IPO7: variants seen among roughly 807,000 people sequenced by gnomAD.
The protein encoded by IPO7 is importin-7.
Under a neutral mutation model 136.4 loss-of-function variants are expected in IPO7, and 13 were observed. That is an observed-to-expected ratio of 0.10 (90% CI 0.06 to 0.15). The LOEUF (loss-of-function observed/expected upper bound fraction) is 0.15, where lower values mean the gene tolerates loss of function less well. IPO7 is among the 10% of genes least tolerant of loss of function. The pLI, the probability that IPO7 is intolerant of heterozygous loss-of-function variation, is 1.00. For synonymous variants in IPO7, 403 were observed against 404.4 expected (o/e 1.00, Z 0.04); for missense variants, 857 against 1,240.6 (o/e 0.69, Z 4.65).
chr11:9,397,328 T>TAC (rs1417852276), intron 1 of IPO7, among the ~76,000 whole-genome samples: 14 of 934 alleles, frequency 0.015, 1 homozygote, highest in African/African-American at 0.021. Flanking sequence ...TTACTAAAAA[T>TAC]AATTTAAAAA....
At chr11:9,395,406 GT>G (rs1854694337) in intron 1 of IPO7, among the ~76,000 whole-genome samples, 1 of 151,904 alleles carries the variant, frequency 6.6e-6, no homozygotes, top group African/African-American at 2.4e-5. Context: ...ACTGTGCCCG[GT>G]TAATTGTATG....
intron 20 of IPO7, among the ~76,000 whole-genome samples, chr11:9,436,842 TTATATATATATATATA>T (rs1370673296): frequency 1.6e-4 from 4 of 24,460 alleles, no homozygotes; most frequent in Non-Finnish European, 2.0e-4. Context: ...CCGCCTGATT[TTATATATATATATATA>T]TATATATATA....
chr11:9,418,889 G>A (rs555390769), intron 6 of IPO7, among the ~76,000 whole-genome samples: 1 of 152,172 alleles, frequency 6.6e-6, no homozygotes, highest in East Asian at 1.9e-4. Context: ...TTTTGTTCCT[G>A]GCTTCTTTCA....
Position 9,438,215 on chromosome 11 carries a change from A to C in IPO7, c.2625A>C (p.Ala875=), listed in dbSNP as rs751114965. The change falls in exon 22 of 25, where the codon GCA becomes GCC. Residue 875 remains alanine (A), a synonymous_variant. Coordinates refer to ENST00000379719, the MANE Select transcript of IPO7 (RefSeq NM_006391.3). The stretch of plus-strand genomic sequence containing the variant: ...TTTTATTTAACGGATTGAAAAGAGC[A>C]TATGCCTGCCATGCAGAACATGAGA... ...FILLFNGLKR[A]YACHAEHEND... 9 of 1,613,486 alleles carry C rather than the reference A, an allele frequency of 5.6e-6. No homozygotes were observed. The highest frequency in any genetic ancestry group is 2.2e-5 in the East Asian group (1 of 44,876).
intron 4 of IPO7, among the ~76,000 whole-genome samples, chr11:9,412,668 C>T (rs914979786): frequency 1.3e-5 from 2 of 151,940 alleles, no homozygotes; most frequent in Non-Finnish European, 2.9e-5. Flanking sequence ...TCTCTACAGA[C>T]AAAAAAGAAA....
rs761181802 is a variant in IPO7 at position 9,384,859 on chromosome 11, C to T, written c.84+12C>T. On this transcript the variant is annotated intron_variant, in intron 1 of 24. Transcript: ENST00000379719. ...GCCAGCTCAATGAAGTAAGGACGCC[C>T]GGCTAGCGGTGGCGGCGGGCAGGCG... 32 of 1,584,744 alleles carry T rather than the reference C, an allele frequency of 2.0e-5. No homozygotes were observed. Among genetic ancestry groups the T allele is most frequent in the Admixed American group, 7.0e-5 (4 of 56,984 alleles).
At chr11:9,416,231 C>G (rs1447979854) in intron 5 of IPO7, among the ~76,000 whole-genome samples, 7 of 152,168 alleles carry the variant, frequency 4.6e-5, no homozygotes, top group East Asian at 1.9e-4. Context: ...TTGCCTAACT[C>G]TATTCCTTGG....
At chr11:9,444,904 G>A (rs1590458081) in intron 24 of IPO7, among the ~76,000 whole-genome samples, 193 bp from the exon 25 acceptor site, 1 of 151,024 alleles carries the variant, frequency 6.6e-6, no homozygotes, top group South Asian at 2.1e-4. Context: ...GAAGTCTACA[G>A]CATACAGTAA....
rs767260253 is a variant in IPO7 at position 9,430,979 on chromosome 11, T to C, written c.1857T>C (p.Leu619=). The C allele has an allele frequency of 6.0e-5, 96 of 1,608,834 alleles. No homozygotes were observed. The highest frequency in any genetic ancestry group is 7.9e-5 in the Non-Finnish European group (93 of 1,175,434). ...MGILNTIDTL[L]SVVEDHKEIT... ...TTCTGAATACAATTGATACACTTCT[T>C]AGTGTAGTTGAAGATCATAAAGAGG... The change falls in exon 16 of 25, where the codon CTT becomes CTC. Residue 619 remains leucine (L), a synonymous_variant. Coordinates refer to ENST00000379719, the MANE Select transcript of IPO7 (RefSeq NM_006391.3).
intron 1 of IPO7, 129 bp downstream of exon 1, chr11:9,384,976 T>A: frequency 1.5e-6 from 1 of 680,610 alleles, no homozygotes; most frequent in Non-Finnish European, 2.4e-6. Flanking sequence ...GGGGCGGACA[T>A]CTGACGGCGA....
In IPO7 at chr11:9,384,958, A is replaced by G. The variant is rs1035854344; in HGVS notation, c.84+111A>G. On this transcript the variant is annotated intron_variant, in intron 1 of 24. Transcript: ENST00000379719. ...GGACGACGTCGTTGAGGGTCCCAGC[A>G]GGAGGGTGGGGCGGACATCTGACGG... is the stretch of plus-strand genomic sequence containing the variant. The G allele has an allele frequency of 6.2e-5, 49 of 785,258 alleles. No individual in the cohort carries two copies. In the East Asian group the frequency reaches 1.3e-3, roughly 20 times the overall value. 48.6% of individuals were successfully genotyped at this position (785,258 alleles called of 1,614,324 possible).
intron 20 of IPO7, among the ~76,000 whole-genome samples, chr11:9,437,525 A>G (rs1314922316): frequency 2.0e-5 from 3 of 152,198 alleles, no homozygotes; most frequent in Non-Finnish European, 4.4e-5. Flanking sequence ...AAGTGCTGGG[A>G]TTACAGGCGT....
rs1855051738 is a variant in IPO7, at chr11:9,417,062, A to G, written c.640A>G (p.Thr214Ala). ...FKIFYALVQY[T>A]LPLELINQQN... is the part of the protein sequence containing the mutation. Reference sequence around the variant, plus strand: ...TTAATTCTTGACTTTTATTTAGTATACACTACCACTGGAACTGATAAACCA... The same window carrying G: ...TTAATTCTTGACTTTTATTTAGTATGCACTACCACTGGAACTGATAAACCA... Residue 214 changes from threonine (T) to alanine (A), a missense_variant, in exon 6 of 25, where the codon ACA becomes GCA. Thr to Ala is a moderately conservative substitution (Grantham distance 58). Transcript: ENST00000379719. 6.9e-7 allele frequency: 1 copy of G among 1,450,802 alleles called. No individual in the cohort carries two copies. The highest frequency in any genetic ancestry group is 9.6e-7 in the Non-Finnish European group (1 of 1,040,244). The allele number at this position is 1,450,802 out of a possible 1,614,324, so 89.9% of individuals were successfully genotyped here.
intron 6 of IPO7, among the ~76,000 whole-genome samples, chr11:9,419,142 T>A (rs1035272470): frequency 6.6e-6 from 1 of 152,202 alleles, no homozygotes; most frequent in East Asian, 1.9e-4. Context: ...AAGGTAGGTG[T>A]ATGTTTTACT....
At chr11:9,428,923 C>T (rs1161107526) in intron 13 of IPO7, 108 bp from the exon 14 acceptor site, 2 of 971,860 alleles carry the variant, frequency 2.1e-6, no homozygotes, top group South Asian at 2.6e-5. Context: ...GACACATCTA[C>T]CACTGGCCAG....
chr11:9,409,256 G>A (rs1471763286), intron 3 of IPO7, among the ~76,000 whole-genome samples: 2 of 151,940 alleles, frequency 1.3e-5, no homozygotes, highest in Non-Finnish European at 2.9e-5. Context: ...TTACAGGCGT[G>A]CACCAGCATC....
chr11:9,408,604 T>C lies in IPO7; in HGVS notation c.285T>C (p.Ile95=), dbSNP rs751814132. 7.5e-6 allele frequency: 12 copies of C among 1,609,884 alleles called. No individual in the cohort carries two copies. The highest frequency in any genetic ancestry group is 6.6e-5 in the South Asian group (6 of 90,238). Residue 95 remains isoleucine, a synonymous_variant, in exon 3 of 25, where the codon ATT becomes ATC. Transcript: ENST00000379719. ...ATCGCCATTGTATTCGAGAAAATAT[T>C]GTAGAAGCCATTATCCATTCTCCTG... ...EEDRHCIREN[I]VEAIIHSPEL...
At chr11:9,389,329 A>G (rs1379459160) in intron 1 of IPO7, among the ~76,000 whole-genome samples, 2 of 152,166 alleles carry the variant, frequency 1.3e-5, no homozygotes, top group African/African-American at 4.8e-5. Context: ...GATTACAGGC[A>G]TGAGCCACCA....
intron 1 of IPO7, among the ~76,000 whole-genome samples, chr11:9,393,102 C>T (rs1854659760): frequency 6.6e-6 from 1 of 152,036 alleles, no homozygotes; most frequent in Admixed American, 6.6e-5. Context: ...TGGTAAACAT[C>T]AAGTAGAAAA....
Sources: allele counts gnomAD v4.1 joint callset (sites outside exome capture counted in the v4.1 genomes callset), GRCh38; gene constraint gnomAD v4.1.1; transcripts MANE v1.5; gene names NCBI Gene and HGNC (gene_info 2026-07-23, HGNC 2026-07-21).